Variants in SUPT6H observed in about 807,000 individuals in gnomAD.
SUPT6H encodes SPT6 homolog, histone chaperone and transcription elongation factor.
SUPT6H carries 11 observed loss-of-function variants against 222.3 expected under a neutral mutation model. The observed-to-expected ratio is 0.05, with a 90% CI of 0.03 to 0.08. SUPT6H has a LOEUF of 0.08. Ranked by LOEUF, SUPT6H falls within the 10% of genes least tolerant of loss-of-function variation. The pLI is 1.00. For synonymous variants in SUPT6H, 762 were observed against 801.2 expected, an observed-to-expected ratio of 0.95 and a Z score of 0.83; for missense variants, 1,422 against 2,216.0, an observed-to-expected ratio of 0.64 and a Z score of 7.19.
chr17:28,684,903 G>T lies in SUPT6H; in HGVS notation c.2429G>T (p.Arg810Leu). 1 of 1,614,130 alleles carries T rather than the reference G, an allele frequency of 6.2e-7. No homozygotes were observed. Among genetic ancestry groups the T allele is most frequent in the South Asian group, 1.1e-5 (1 of 91,042 alleles). ...GAAGGAGAAGTGACAGACTTCCTTC[G>T]ACTGCCCCATTTTACCAAACGGCGA... ...NGEGEVTDFL[R>L]LPHFTKRRTA... The change falls in exon 19 of 37, where the codon CGA becomes CTA. Residue 810 changes from arginine (R) to leucine (L), a missense_variant. Around this residue, in one of 13 missense-constraint regions of SUPT6H, gnomAD observed 294 missense variants for 382.1 expected, o/e 0.77. Transcript: ENST00000314616.
intron 1 of SUPT6H, among the ~76,000 whole-genome samples, chr17:28,667,154 A>G (rs527621256): frequency 6.6e-5 from 10 of 150,764 alleles, no homozygotes; most frequent in African/African-American, 2.2e-4. Flanking sequence ...TCACAAGGTC[A>G]GGAGATTGAG....
Position 28,683,349 on chromosome 17 carries a change from C to A in SUPT6H, c.1960C>A (p.Leu654Ile), listed in dbSNP as rs141330818. 837 of 1,614,188 alleles carry A rather than the reference C, an allele frequency of 5.2e-4. 5 individuals carry two copies. In the Middle Eastern group the frequency reaches 5.4e-3, roughly 10 times the overall value. ...TAAGGAACTGAGAGATGACCAGTTT[C>A]TCAAGATATGCCTGGCTGAAGACGA... ...PVKELRDDQF[L>I]KICLAEDEGL... Residue 654 changes from leucine to isoleucine, a missense_variant, in exon 16 of 37, where the codon CTC (leucine) becomes ATC (isoleucine). This residue lies in a region of SUPT6H where 121 missense variants were observed against 158.0 expected (regional missense o/e 0.77). Coordinates refer to ENST00000314616, the MANE Select transcript of SUPT6H (RefSeq NM_003170.5).
At position 28,683,372 on chromosome 17, in the gene SUPT6H, C is replaced by T. The variant is rs374402307; in HGVS notation, c.1983C>T (p.Asp661=). The T allele has an allele frequency of 1.7e-4, 268 of 1,613,966 alleles. 1 individual carries two copies. In the East Asian group the frequency reaches 3.8e-3, roughly 23 times the overall value. ...DQFLKICLAE[D]EGLLTTDISI... is the part of the protein sequence containing the mutation. The stretch of plus-strand genomic sequence containing the variant: ...TTCTCAAGATATGCCTGGCTGAAGA[C>T]GAAGGGCTCCTCACCACTGACATCA... Residue 661 remains aspartate (D), a synonymous_variant, in exon 16 of 37, where the codon GAC becomes GAT. Transcript: ENST00000314616.
chr17:28,687,742 T>C lies in SUPT6H; in HGVS notation c.3006+271T>C, dbSNP rs2031459111. The stretch of plus-strand genomic sequence containing the variant: ...CATGTTGGCCAGACTGGTCTCAAAC[T>C]CCTGACCCCAGGTGATCCACCCGCC... On this transcript the variant is annotated intron_variant, in intron 23 of 36. Coordinates refer to ENST00000314616, the MANE Select transcript of SUPT6H (RefSeq NM_003170.5). 2.0e-5 allele frequency among the ~76,000 whole-genome samples: 3 copies of C among 152,080 alleles called. No homozygotes were observed. In the South Asian group the frequency reaches 6.2e-4, roughly 32 times the overall value.
rs530402356 is a variant in SUPT6H, at chr17:28,702,192, G to A, written c.*567G>A. 3.9e-5 allele frequency: 6 copies of A among 153,782 alleles called. No individual in the cohort carries two copies. The highest frequency in any genetic ancestry group is 2.1e-4 in the South Asian group (1 of 4,856). The allele number at this position is 153,782 out of a possible 1,614,324, so 9.5% of individuals were successfully genotyped here. A position where few individuals can be genotyped will look rare whatever the true frequency, so the allele number is the denominator to read the frequency against. Reference sequence around the variant, plus strand: ...CCCTTTCCCCCCTGCTGCTGCCACCGCTTCCTGCCTGTCATTTGAATAAAC... The same window carrying A: ...CCCTTTCCCCCCTGCTGCTGCCACCACTTCCTGCCTGTCATTTGAATAAAC... On this transcript the variant is annotated 3_prime_UTR_variant, in exon 37 of 37. Coordinates refer to ENST00000314616, the MANE Select transcript of SUPT6H (RefSeq NM_003170.5).
At chr17:28,692,045 C>T (rs556154149) in intron 27 of SUPT6H, among the ~76,000 whole-genome samples, 1 of 151,680 alleles carries the variant, frequency 6.6e-6, no homozygotes, top group Admixed American at 6.6e-5. Flanking sequence ...AGGGGCTGGC[C>T]GGGCGCGGTG....
intron 7 of SUPT6H, 139 bp downstream of exon 7, chr17:28,676,569 T>C (rs764282157): frequency 2.3e-6 from 3 of 1,320,970 alleles, no homozygotes; most frequent in Non-Finnish European, 3.1e-6. Flanking sequence ...AATCCAGCTC[T>C]TAGAGAAGGG....
At chr17:28,677,554 A>C (rs2030832110) in intron 7 of SUPT6H, among the ~76,000 whole-genome samples, 161 bp from the exon 8 acceptor site, 1 of 152,206 alleles carries the variant, frequency 6.6e-6, no homozygotes, top group East Asian at 1.9e-4. Flanking sequence ...TCAAAAAAAA[A>C]AAATGCTTAT....
At chr17:28,694,412 A>G (rs981722683) in intron 28 of SUPT6H, among the ~76,000 whole-genome samples, 1 of 152,210 alleles carries the variant, frequency 6.6e-6, no homozygotes, top group African/African-American at 2.4e-5. Context: ...TCACATGCTG[A>G]TGGAAATGGA....
At chr17:28,699,978 A>G (rs1322028196) in intron 33 of SUPT6H, 85 bp downstream of exon 33, 1 of 1,422,476 alleles carries the variant, frequency 7.0e-7, no homozygotes, top group Non-Finnish European at 9.9e-7. Flanking sequence ...CTAGGGGACC[A>G]GGTGAGGAGT....
chr17:28,686,522 G>A, intron 20 of SUPT6H, 107 bp downstream of exon 20: 2 of 1,532,720 alleles, frequency 1.3e-6, no homozygotes, highest in Admixed American at 3.8e-5. Context: ...CTTGTGCAGG[G>A]AGTGTCCCTG....
chr17:28,692,119 C>G (rs558519947), intron 27 of SUPT6H, among the ~76,000 whole-genome samples: 1 of 148,398 alleles, frequency 6.7e-6, no homozygotes, highest in Non-Finnish European at 1.5e-5. Context: ...GTCAGGAGAT[C>G]GAGACCATCC....
At position 28,683,050 on chromosome 17, in the gene SUPT6H, G is replaced by C; in HGVS notation, c.1836G>C (p.Glu612Asp). The C allele has an allele frequency of 6.2e-7, 1 of 1,613,076 alleles. No homozygotes were observed. The highest frequency in any genetic ancestry group is 8.5e-7 in the Non-Finnish European group (1 of 1,179,688). ...VRQVLRQTFQ[E>D]RAKLNITPTK... is the part of the protein sequence containing the mutation. ...AGGTGCTGAGGCAAACCTTCCAAGAGAGAGCCAAGTTAAATATAACCCCCA... is the reference window on the plus strand; with the variant it reads ...AGGTGCTGAGGCAAACCTTCCAAGACAGAGCCAAGTTAAATATAACCCCCA... Residue 612 changes from glutamate (E) to aspartate (D), a missense_variant, in exon 15 of 37, where the codon GAG becomes GAC. By Grantham distance (45) the Glu-to-Asp change is conservative. Transcript: ENST00000314616.
rs149546599 is a variant in SUPT6H, at chr17:28,690,939, A to T, written c.3509A>T (p.Asn1170Ile). 1 of 1,613,716 alleles carries T rather than the reference A, an allele frequency of 6.2e-7. No individual in the cohort carries two copies. The highest frequency in any genetic ancestry group is 8.5e-7 in the Non-Finnish European group (1 of 1,180,008). Residue 1170 changes from asparagine to isoleucine, a missense_variant, in exon 27 of 37, where the codon AAT becomes ATT. Coordinates refer to ENST00000314616, the MANE Select transcript of SUPT6H (RefSeq NM_003170.5). Reference sequence around the variant, plus strand: ...CTTGCAGGAAAGCTCATCATCTGCAATGTCACTGGCATTGCCCACAGGCGT... The same window carrying T: ...CTTGCAGGAAAGCTCATCATCTGCATTGTCACTGGCATTGCCCACAGGCGT... Reference protein sequence around the residue: ...TFYIGKLIICNVTGIAHRRPQ... With the variant: ...TFYIGKLIICIVTGIAHRRPQ...
At position 28,682,833 on chromosome 17, in the gene SUPT6H, G is replaced by A. The variant is rs773643904; in HGVS notation, c.1704G>A (p.Glu568=). 1.2e-6 allele frequency: 2 copies of A among 1,614,190 alleles called. No homozygotes were observed. Among genetic ancestry groups the A allele is most frequent in the South Asian group, 1.1e-5 (1 of 91,082 alleles). ...ETEQFPAEPL[E]LAKDYVCSQF... ...AGCAGTTTCCCGCGGAGCCCTTGGA[G>A]CTGGCCAAGGATTACGTTTGCAGGT... The change falls in exon 14 of 37, where the codon GAG becomes GAA. Residue 568 remains glutamate (E), a synonymous_variant. Transcript: ENST00000314616.
rs760724006 is a variant in SUPT6H at position 28,701,701 on chromosome 17, C to A, written c.*76C>A. On this transcript the variant is annotated 3_prime_UTR_variant, in exon 37 of 37. Transcript: ENST00000314616. ...CTGCCCACTGCCTCCCTCCCTGCCC[C>A]TCCTTTTATGTCCATAAAGTGGCGT... The A allele has an allele frequency of 7.4e-5, 107 of 1,454,254 alleles. No individual in the cohort carries two copies. Among genetic ancestry groups the A allele is most frequent in the Non-Finnish European group, 9.9e-5 (106 of 1,073,612 alleles). 90.1% of individuals were successfully genotyped at this position (1,454,254 alleles called of 1,614,324 possible).
chr17:28,697,020 G>A lies in SUPT6H; in HGVS notation c.4147G>A (p.Val1383Met), dbSNP rs753029977. The A allele has an allele frequency of 6.2e-7, 1 of 1,614,102 alleles. No homozygotes were observed. Among genetic ancestry groups the A allele is most frequent in the Admixed American group, 1.7e-5 (1 of 60,006 alleles). The change falls in exon 30 of 37, where the codon GTG becomes ATG. Residue 1383 changes from valine to methionine, a missense_variant. Val to Met is a conservative substitution (Grantham distance 21, BLOSUM62 1). Coordinates refer to ENST00000314616, the MANE Select transcript of SUPT6H (RefSeq NM_003170.5). ...TGATGGCATCTACCAGCATGTGGAT[G>A]TGCGGGAGGAGGGCAAGGAAAATGC... ...VSDGIYQHVD[V>M]REEGKENAFS...
intron 1 of SUPT6H, among the ~76,000 whole-genome samples, chr17:28,663,294 C>G (rs558663419): frequency 3.7e-4 from 56 of 152,136 alleles, no homozygotes; most frequent in Non-Finnish European, 7.6e-4. Context: ...ATTTAGAGCC[C>G]TTTTTTACGA....
chr17:28,687,429 T>C lies in SUPT6H; in HGVS notation c.2964T>C (p.Tyr988=). The C allele has an allele frequency of 6.2e-7, 1 of 1,614,178 alleles. No homozygotes were observed. Among genetic ancestry groups the C allele is most frequent in the Non-Finnish European group, 8.5e-7 (1 of 1,180,040 alleles). The part of the protein sequence containing the change: ...AHPYSQALIQ[Y]VCGLGPRKGT... ...CTTACAGCCAGGCCTTGATCCAGTA[T>C]GTTTGTGGCCTGGGACCTCGGAAAG... is the stretch of plus-strand genomic sequence containing the variant. The change falls in exon 23 of 37, where the codon TAT becomes TAC. Residue 988 remains tyrosine, a synonymous_variant. Transcript: ENST00000314616.
Sources: allele counts gnomAD v4.1 joint callset (sites outside exome capture counted in the v4.1 genomes callset), GRCh38; gene constraint gnomAD v4.1.1; regional missense constraint gnomAD v4.1.1; transcripts MANE v1.5; gene names NCBI Gene and HGNC (gene_info 2026-07-23, HGNC 2026-07-21).